TIMP2: variants seen among roughly 807,000 people sequenced by gnomAD.
TIMP2 encodes TIMP metallopeptidase inhibitor 2.
A neutral mutation model predicts 24.3 loss-of-function variants in TIMP2; 5 were observed. That is an observed-to-expected ratio of 0.21 (90% CI 0.11 to 0.43). The LOEUF (loss-of-function observed/expected upper bound fraction) is 0.43, where lower values mean the gene tolerates loss of function less well. Ranked by LOEUF, TIMP2 falls within the 20% of genes least tolerant of loss-of-function variation. The probability of loss-of-function intolerance (pLI) is 1.00; values close to 1 mark genes in which losing one functional copy is unlikely to be tolerated. For synonymous variants in TIMP2, 130 were observed against 123.2 expected (o/e 1.06, Z -0.37); for missense variants, 221 against 297.5 (o/e 0.74, Z 1.89).
In TIMP2 at chr17:78,871,080, C is replaced by T. The variant is rs943397791; in HGVS notation, c.232-74G>A. 4.9e-5 allele frequency: 64 copies of T among 1,300,594 alleles called. No individual in the cohort carries two copies. The East Asian group carries it at 7.9e-4, about 16-fold the overall frequency. The allele number at this position is 1,300,594 out of a possible 1,614,324, so 80.6% of individuals were successfully genotyped here. ...TGGTGAATTCCGTTCCCATCCAGAA[C>T]ACCCTGGGCGGCACAACCTGTAGCT... On this transcript the variant is annotated intron_variant, in intron 2 of 4. Coordinates refer to ENST00000262768, the MANE Select transcript of TIMP2 (RefSeq NM_003255.5).
At chr17:78,917,183 C>T (rs1295903485) in intron 1 of TIMP2, among the ~76,000 whole-genome samples, 1 of 141,016 alleles carries the variant, frequency 7.1e-6, no homozygotes, top group East Asian at 2.1e-4. Context: ...ACCCAGGAGG[C>T]GGAGCTTGCA....
rs149483614 is a variant in TIMP2 at position 78,856,647 on chromosome 17, G to A, written c.466-783C>T. On this transcript the variant is annotated intron_variant, in intron 4 of 4. Transcript: ENST00000262768. ...GAGCCAGCCTGGGAGCCCTGGAGGC[G>A]GTAATCTCACCTTCCACAGCCACAT... The A allele has an allele frequency of 7.4e-3, 1,126 of 152,574 alleles. 12 individuals carry two copies. Among genetic ancestry groups the A allele is most frequent in the Middle Eastern group, 0.031 (9 of 294 alleles). 9.5% of individuals were successfully genotyped at this position (152,574 alleles called of 1,614,324 possible). A position where few individuals can be genotyped will look rare whatever the true frequency, so the allele number is the denominator to read the frequency against.
In TIMP2 at chr17:78,906,863, G is replaced by A. The variant is rs372036340; in HGVS notation, c.130+18096C>T. Among the ~76,000 whole-genome samples the A allele has an allele frequency of 3.6e-4, 54 of 150,680 alleles. 1 individual carries two copies. The South Asian group carries it at 0.011, about 31-fold the overall frequency. On this transcript the variant is annotated intron_variant, in intron 1 of 4. Coordinates refer to ENST00000262768, the MANE Select transcript of TIMP2 (RefSeq NM_003255.5). The stretch of plus-strand genomic sequence containing the variant: ...CTCCCAAAGTGCTGGGATTACAGGC[G>A]TGAGCCACCGTGTCTGGCCGGCAGG...
chr17:78,918,728 G>A (rs932144414), intron 1 of TIMP2, among the ~76,000 whole-genome samples: 13 of 152,294 alleles, frequency 8.5e-5, no homozygotes, highest in South Asian at 2.1e-4. Flanking sequence ...GCCGGGCACC[G>A]TGGCTCACAT....
chr17:78,886,790 T>A (rs1165872213), intron 1 of TIMP2, among the ~76,000 whole-genome samples: 2 of 152,120 alleles, frequency 1.3e-5, no homozygotes, highest in Non-Finnish European at 2.9e-5. Flanking sequence ...AGCGGCGCAA[T>A]CACAGCTCAC....
At position 78,920,486 on chromosome 17, in the gene TIMP2, AGCTCTCCCT is replaced by A. The variant is rs2070301015; in HGVS notation, c.130+4464_130+4472del. On this transcript the variant is annotated intron_variant, in intron 1 of 4. Transcript: ENST00000262768. This position sits in a 1 kb window ranked among gnomAD's most constrained non-coding sequence, Gnocchi z 4.5. Reference sequence around the variant, plus strand: ...CCTGCCATACCTCCAGGCTGTGCACAGCTCTCCCTGCTCTTCCAGTCCCCCTGCCTTGGG... The same window carrying A: ...CCTGCCATACCTCCAGGCTGTGCACAGCTCTTCCAGTCCCCCTGCCTTGGG... Among the ~76,000 whole-genome samples the A allele has an allele frequency of 6.6e-6, 1 of 152,070 alleles. No individual in the cohort carries two copies. Among genetic ancestry groups the A allele is most frequent in the Non-Finnish European group, 1.5e-5 (1 of 68,012 alleles).
Position 78,891,747 on chromosome 17 carries a change from A to C in TIMP2, c.131-17828T>G. 1 of 1,550,932 alleles carries C rather than the reference A, an allele frequency of 6.4e-7. No individual in the cohort carries two copies. The highest frequency in any genetic ancestry group is 8.7e-7 in the Non-Finnish European group (1 of 1,147,084). Reference sequence around the variant, plus strand: ...CCCACAGCAGCCACGAGTGGGTTTGACCTTTCTAGGTCCGCCCCTTTGCTC... The same window carrying C: ...CCCACAGCAGCCACGAGTGGGTTTGCCCTTTCTAGGTCCGCCCCTTTGCTC... On this transcript the variant is annotated intron_variant, in intron 1 of 4. Transcript: ENST00000262768. The surrounding 1 kb of genome is among the most constrained non-coding windows in gnomAD (Gnocchi z 4.5).
intron 1 of TIMP2, among the ~76,000 whole-genome samples, chr17:78,888,333 T>A (rs1320697430): frequency 6.6e-6 from 1 of 152,054 alleles, no homozygotes; most frequent in African/African-American, 2.4e-5. Context: ...TAATTTTTTG[T>A]ATTTTTAGTA....
chr17:78,906,667 C>G (rs780795074), intron 1 of TIMP2, among the ~76,000 whole-genome samples: 1 of 151,842 alleles, frequency 6.6e-6, no homozygotes, highest in Non-Finnish European at 1.5e-5. Context: ...ACTGCAACCT[C>G]CATCTCCCGG....
intron 1 of TIMP2, chr17:78,904,261 G>C (rs548808500): frequency 1.3e-5 from 2 of 152,200 alleles, no homozygotes; most frequent in East Asian, 1.9e-4. Flanking sequence ...CCGCCAGTTG[G>C]ATCATCTGTA....
chr17:78,907,627 A>G (rs2070172435), intron 1 of TIMP2, among the ~76,000 whole-genome samples: 1 of 152,230 alleles, frequency 6.6e-6, no homozygotes, highest in South Asian at 2.1e-4. Flanking sequence ...ATGGGACACA[A>G]ACACATGAAG....
At chr17:78,881,871 A>T (rs2069783214) in intron 1 of TIMP2, among the ~76,000 whole-genome samples, 1 of 152,224 alleles carries the variant, frequency 6.6e-6, no homozygotes. Flanking sequence ...ATCTGTAACT[A>T]TAACTTGGCG....
At chr17:78,899,385 C>T (rs979874111) in intron 1 of TIMP2, 5 of 152,432 alleles carry the variant, frequency 3.3e-5, no homozygotes, top group Non-Finnish European at 5.9e-5. Context: ...CCATGTGATT[C>T]CCTGCTGTCC....
chr17:78,886,562 C>T (rs1024058411), intron 1 of TIMP2, among the ~76,000 whole-genome samples: 1 of 152,180 alleles, frequency 6.6e-6, no homozygotes, highest in African/African-American at 2.4e-5. Context: ...CACCCCACCC[C>T]GAGAAATCTA....
chr17:78,873,224 G>A (rs926556258), intron 2 of TIMP2, among the ~76,000 whole-genome samples: 2 of 151,812 alleles, frequency 1.3e-5, no homozygotes, highest in African/African-American at 2.4e-5. Context: ...TACAGACCAT[G>A]TTAGTTACTG....
intron 2 of TIMP2, 45 bp from the exon 3 acceptor site, chr17:78,871,051 C>T (rs1486427082): frequency 4.6e-6 from 7 of 1,538,414 alleles, no homozygotes; most frequent in Non-Finnish European, 6.3e-6. Context: ...GGAGGCCACA[C>T]AGTTGGTGAA....
At chr17:78,858,823 C>T (rs1021427530) in intron 3 of TIMP2, among the ~76,000 whole-genome samples, 2 of 152,104 alleles carry the variant, frequency 1.3e-5, no homozygotes, top group African/African-American at 4.8e-5. Context: ...CCACGCCTGG[C>T]CCCAATATTC....
At position 78,916,554 on chromosome 17, in the gene TIMP2, G is replaced by A. The variant is rs146805795; in HGVS notation, c.130+8405C>T. Among the ~76,000 whole-genome samples, 431 of 152,276 alleles carry A rather than the reference G, an allele frequency of 2.8e-3. 2 individuals carry two copies. The highest frequency in any genetic ancestry group is 9.9e-3 in the African/African-American group (410 of 41,566). ...CCAGAGGCATCTCCTGTGTCTGCCCGCGACCCATGGCCCCGCTCAGGGCCT... is the reference window on the plus strand; with the variant it reads ...CCAGAGGCATCTCCTGTGTCTGCCCACGACCCATGGCCCCGCTCAGGGCCT... On this transcript the variant is annotated intron_variant, in intron 1 of 4. Transcript: ENST00000262768.
At chr17:78,882,980 C>T (rs185717455) in intron 1 of TIMP2, among the ~76,000 whole-genome samples, 76 of 152,332 alleles carry the variant, frequency 5.0e-4, no homozygotes, top group Admixed American at 2.0e-4. Flanking sequence ...TCAGCGGGTG[C>T]GGCAGACCTC....
Sources: gnomAD v4.1 joint callset for allele counts (sites outside exome capture counted in the v4.1 genomes callset) on GRCh38, gnomAD v4.1.1 for gene constraint, Gnocchi (gnomAD v3.1) non-coding constraint, MANE v1.5 for transcripts, NCBI Gene and HGNC (gene_info 2026-07-23, HGNC 2026-07-21) for gene names.